The following PRKAR1B variants were observed in gnomAD, a reference collection of about 807,000 sequenced individuals.
PRKAR1B encodes protein kinase cAMP-dependent type I regulatory subunit beta.
In PRKAR1B, 22 loss-of-function variants were observed where a neutral mutation model predicts 46.5. The observed-to-expected ratio is 0.47, with a 90% CI of 0.34 to 0.68. The LOEUF is 0.68. Ranked by LOEUF, PRKAR1B falls within the 30% of genes least tolerant of loss-of-function variation. The pLI, the probability that PRKAR1B is intolerant of heterozygous loss-of-function variation, is 0.01. For missense variants in PRKAR1B, 445 were observed against 535.6 expected, an observed-to-expected ratio of 0.83 and a Z score of 1.67; for synonymous variants, 259 against 217.7, an observed-to-expected ratio of 1.19 and a Z score of -1.67.
chr7:704,897 C>G (rs1346111103), intron 2 of PRKAR1B, among the ~76,000 whole-genome samples: 1 of 152,062 alleles, frequency 6.6e-6, no homozygotes, highest in Non-Finnish European at 1.5e-5. Context: ...GAAAAATGGA[C>G]AAAATACATG....
At chr7:575,768 TCTCA>T (rs937110592) in intron 9 of PRKAR1B, among the ~76,000 whole-genome samples, 1 of 152,162 alleles carries the variant, frequency 6.6e-6, no homozygotes, top group Non-Finnish European at 1.5e-5. Context: ...AGAGATGGGG[TCTCA>T]CTATGTTGCC....
At chr7:628,320 T>C (rs903494205) in intron 4 of PRKAR1B, among the ~76,000 whole-genome samples, 2 of 152,142 alleles carry the variant, frequency 1.3e-5, no homozygotes, top group African/African-American at 4.8e-5. Context: ...ATCGGGGACG[T>C]GGAGCCAAGG....
intron 4 of PRKAR1B, among the ~76,000 whole-genome samples, chr7:642,560 C>A (rs1317619931): frequency 1.3e-5 from 2 of 151,816 alleles, no homozygotes; most frequent in Non-Finnish European, 2.9e-5. Flanking sequence ...CCCGTCTCTA[C>A]TAAAAATACA....
intron 2 of PRKAR1B, among the ~76,000 whole-genome samples, chr7:692,623 A>G (rs927487224): frequency 2.0e-5 from 3 of 152,142 alleles, no homozygotes; most frequent in Non-Finnish European, 2.9e-5. Flanking sequence ...GGCAGTGCAA[A>G]TTGTTTATAT....
At chr7:627,799 C>A (rs926739907) in intron 4 of PRKAR1B, among the ~76,000 whole-genome samples, 2 of 152,126 alleles carry the variant, frequency 1.3e-5, no homozygotes, top group Non-Finnish European at 2.9e-5. Context: ...CCTGGAAGAT[C>A]CAGGCCACGA....
chr7:607,356 CT>C (rs1782151441), intron 5 of PRKAR1B, 34 bp downstream of exon 5: 4 of 1,591,730 alleles, frequency 2.5e-6, no homozygotes, highest in Admixed American at 1.7e-5. Context: ...TTTTTCCCCT[CT>C]GGACTTTGGC....
At chr7:599,785 G>GGGAGT (rs1285186442) in intron 6 of PRKAR1B, among the ~76,000 whole-genome samples, 35 of 148,928 alleles carry the variant, frequency 2.4e-4, no homozygotes, top group Non-Finnish European at 2.5e-4. Flanking sequence ...CACATGGGCA[G>GGGAGT]GCCCCCCATT....
intron 4 of PRKAR1B, among the ~76,000 whole-genome samples, chr7:657,071 G>T (rs1485353757): frequency 6.6e-6 from 1 of 152,028 alleles, no homozygotes. Flanking sequence ...GTGAATGCAT[G>T]GATGGGTGAA....
chr7:579,716 T>G (rs1431324236), intron 8 of PRKAR1B, among the ~76,000 whole-genome samples: 10 of 152,244 alleles, frequency 6.6e-5, no homozygotes, highest in African/African-American at 2.4e-4. Context: ...ATGAAAATAC[T>G]TTTGTTACTT....
intron 4 of PRKAR1B, among the ~76,000 whole-genome samples, chr7:643,146 AAAGACAACAGTCTTT>A (rs1293816150): frequency 6.6e-6 from 1 of 151,588 alleles, no homozygotes; most frequent in Non-Finnish European, 1.5e-5. Flanking sequence ...TGCAAAAGAG[AAAGACAACAGTCTTT>A]AATTTTAAAC....
At chr7:637,811 G>C (rs10272954) in intron 4 of PRKAR1B, among the ~76,000 whole-genome samples, 5,868 of 151,978 alleles carry the variant, frequency 0.039, 220 homozygotes, top group African/African-American at 0.095. Context: ...CCAGCCTGGG[G>C]GACAAGAGAG....
chr7:697,837 C>A (rs1779822982), intron 2 of PRKAR1B, among the ~76,000 whole-genome samples: 1 of 145,818 alleles, frequency 6.9e-6, no homozygotes, highest in Non-Finnish European at 1.5e-5. Context: ...GTGTACCAGG[C>A]CTCACATAGA....
chr7:700,023 G>A (rs1476852873), intron 2 of PRKAR1B, among the ~76,000 whole-genome samples: 2 of 152,182 alleles, frequency 1.3e-5, no homozygotes, highest in Non-Finnish European at 2.9e-5. Flanking sequence ...ATATCTGTGT[G>A]CCAGAGGTAG....
chr7:617,853 C>T (rs1562566319), intron 4 of PRKAR1B, among the ~76,000 whole-genome samples: 1 of 152,188 alleles, frequency 6.6e-6, no homozygotes, highest in Non-Finnish European at 1.5e-5. Context: ...AGCTGGAACT[C>T]GCAGCCTCTA....
At chr7:676,727 T>C (rs932537556) in intron 4 of PRKAR1B, among the ~76,000 whole-genome samples, 4 of 152,230 alleles carry the variant, frequency 2.6e-5, no homozygotes, top group African/African-American at 9.6e-5. Flanking sequence ...CCGAGCGTTC[T>C]GTATTCCATG....
In PRKAR1B at chr7:574,057, G is replaced by A. The variant is rs569246291; in HGVS notation, c.891+5199C>T. On this transcript the variant is annotated intron_variant, in intron 9 of 10. Transcript: ENST00000537384. ...CTGTTCAGGGGTGAGAACACCGCGC[G>A]TGCGGCCTTGATCTGCTCTCTGTGA... Among the ~76,000 whole-genome samples, 301 of 152,354 alleles carry A rather than the reference G, an allele frequency of 2.0e-3. 2 individuals are homozygous for A. The highest frequency in any genetic ancestry group is 2.3e-3 in the Non-Finnish European group (155 of 68,024).
intron 4 of PRKAR1B, among the ~76,000 whole-genome samples, chr7:661,508 C>T (rs1163808851): frequency 1.0e-5 from 1 of 95,906 alleles, no homozygotes; most frequent in African/African-American, 4.4e-5. Flanking sequence ...TCTTCCCCTC[C>T]ATGGCACAGG....
chr7:685,289 T>TATATACGTATATATAC (rs1491565815), intron 2 of PRKAR1B, among the ~76,000 whole-genome samples: 2 of 12,194 alleles, frequency 1.6e-4, no homozygotes, highest in African/African-American at 1.0e-3. Flanking sequence ...CGTATATATA[T>TATATACGTATATATAC]GTATACATAT....
chr7:563,049 C>CA (rs1410243795), intron 9 of PRKAR1B, among the ~76,000 whole-genome samples: 1 of 152,228 alleles, frequency 6.6e-6, no homozygotes, highest in African/African-American at 2.4e-5. Context: ...ACAGCAACCC[C>CA]AACCCTTCCA....
Sources: gnomAD v4.1 joint callset for allele counts (sites outside exome capture counted in the v4.1 genomes callset) on GRCh38, gnomAD v4.1.1 for gene constraint, MANE v1.5 for transcripts, NCBI Gene and HGNC (gene_info 2026-07-23, HGNC 2026-07-21) for gene names.